NIPBL: variants seen among roughly 807,000 people sequenced by gnomAD.
The protein encoded by NIPBL is nipped-B-like protein.
Under a neutral mutation model 321.8 loss-of-function variants are expected in NIPBL, and 19 were observed. The observed-to-expected ratio is 0.06, with a 90% CI of 0.04 to 0.09. NIPBL has a LOEUF of 0.09. NIPBL is among the 10% of genes least tolerant of loss of function. NIPBL has a pLI of 1.00. For missense variants in NIPBL, 2,210 were observed against 3,327.0 expected (o/e 0.66, Z 8.26); for synonymous variants, 1,106 against 1,114.1 (o/e 0.99, Z 0.14).
intron 3 of NIPBL, among the ~76,000 whole-genome samples, chr5:36,957,295 G>C (rs1259074479): frequency 6.6e-6 from 1 of 152,158 alleles, no homozygotes; most frequent in Non-Finnish European, 1.5e-5. Context: ...GACATTATTT[G>C]AGAAAGCAAT....
chr5:37,048,451 T>C, intron 38 of NIPBL, 51 bp from the exon 39 acceptor site: 1 of 1,114,822 alleles, frequency 9.0e-7, no homozygotes, highest in Non-Finnish European at 1.2e-6. Flanking sequence ...ATTAAATGTT[T>C]TATTTAATTT....
At chr5:36,969,262 A>T (rs1742586937) in intron 6 of NIPBL, among the ~76,000 whole-genome samples, 1 of 152,202 alleles carries the variant, frequency 6.6e-6, no homozygotes, top group South Asian at 2.1e-4. Context: ...CACTGATAAA[A>T]AATCTCAAGG....
intron 20 of NIPBL, 84 bp from the exon 21 acceptor site, chr5:37,010,003 A>G: frequency 9.6e-7 from 1 of 1,036,992 alleles, no homozygotes. Flanking sequence ...TGGCAAACAC[A>G]GTATCGTGAA....
intron 3 of NIPBL, among the ~76,000 whole-genome samples, chr5:36,956,751 A>G (rs1182066832): frequency 6.7e-6 from 1 of 148,404 alleles, no homozygotes; most frequent in Non-Finnish European, 1.5e-5. Context: ...CAACCTCCTG[A>G]GTAGCTGGGA....
At chr5:36,880,590 T>C (rs1745427669) in intron 1 of NIPBL, among the ~76,000 whole-genome samples, 1 of 152,012 alleles carries the variant, frequency 6.6e-6, no homozygotes, top group Admixed American at 6.6e-5. Flanking sequence ...ACTAGGAACC[T>C]TTATAGAAGG....
intron 32 of NIPBL, among the ~76,000 whole-genome samples, chr5:37,035,611 C>G (rs1751604938): frequency 1.3e-5 from 2 of 152,058 alleles, no homozygotes; most frequent in African/African-American, 4.8e-5. Flanking sequence ...ATTGCAAGTG[C>G]TTAATAACTG....
intron 1 of NIPBL, among the ~76,000 whole-genome samples, chr5:36,936,623 A>G (rs1738461122): frequency 6.6e-6 from 1 of 152,050 alleles, no homozygotes; most frequent in South Asian, 2.1e-4. Flanking sequence ...TCAAAGTTAT[A>G]TTAGGAGGAT....
chr5:36,984,503 C>T (rs1032441134), intron 9 of NIPBL, among the ~76,000 whole-genome samples, 173 bp from the exon 10 acceptor site: 1 of 152,030 alleles, frequency 6.6e-6, no homozygotes, highest in African/African-American at 2.4e-5. Flanking sequence ...CAAACCTTAC[C>T]TTTCAAAGTA....
chr5:36,907,031 C>T (rs1170909803), intron 1 of NIPBL, among the ~76,000 whole-genome samples: 2 of 152,192 alleles, frequency 1.3e-5, no homozygotes, highest in Non-Finnish European at 2.9e-5. Flanking sequence ...GATTCCGCTT[C>T]TCATCCCATC....
intron 42 of NIPBL, among the ~76,000 whole-genome samples, chr5:37,054,782 TC>T (rs1321437163): frequency 6.6e-6 from 1 of 152,108 alleles, no homozygotes; most frequent in Non-Finnish European, 1.5e-5. Context: ...AGGAAGATGT[TC>T]CAGTCAGGGC....
In NIPBL at chr5:36,985,828, C is replaced by G; in HGVS notation, c.2648C>G (p.Ser883Cys). 6.2e-7 allele frequency: 1 copy of G among 1,613,840 alleles called. No homozygotes were observed. The highest frequency in any genetic ancestry group is 8.5e-7 in the Non-Finnish European group (1 of 1,179,908). Residue 883 changes from serine (S) to cysteine (C), a missense_variant, in exon 10 of 47, where the codon TCT (serine) becomes TGT (cysteine). Physicochemically the swap from Ser to Cys is moderately radical, Grantham distance 112. Around this residue, in one of 14 missense-constraint regions of NIPBL, gnomAD observed 588 missense variants for 564.1 expected, o/e 1.04. Transcript: ENST00000282516. ...GGGGACTCAAGGGAAAGACCATCTT[C>G]TGGGGAACAAAAATCAAGACCTGAC... ...ESGDSRERPS[S>C]GEQKSRPDSP...
intron 1 of NIPBL, among the ~76,000 whole-genome samples, chr5:36,917,188 G>A (rs761159095): frequency 9.2e-5 from 14 of 151,654 alleles, no homozygotes; most frequent in African/African-American, 1.9e-4. Context: ...TTAGTGGATC[G>A]CCATTCTAAT....
At chr5:36,977,655 G>A (rs759441200) in intron 9 of NIPBL, among the ~76,000 whole-genome samples, 8 of 149,262 alleles carry the variant, frequency 5.4e-5, no homozygotes, top group African/African-American at 7.4e-5. Context: ...GGTTTGTTAC[G>A]TGGGTATATT....
In NIPBL at chr5:37,010,237, AT is replaced by A; in HGVS notation, c.4560+14del. The A allele has an allele frequency of 6.3e-7, 1 of 1,583,752 alleles. No homozygotes were observed. Among genetic ancestry groups the A allele is most frequent in the Non-Finnish European group, 8.7e-7 (1 of 1,152,920 alleles). On this transcript the variant is annotated intron_variant, in intron 21 of 46. Coordinates refer to ENST00000282516, the MANE Select transcript of NIPBL (RefSeq NM_133433.4). ...ATTCAAATAAAAAAGTAAGGAATCT[AT>A]TAAAGGTTTTACAACTGTACTTTTA...
chr5:37,065,190 A>T lies in NIPBL; in HGVS notation c.*298A>T. 1 of 410,846 alleles carries T rather than the reference A, an allele frequency of 2.4e-6. No homozygotes were observed. The highest frequency in any genetic ancestry group is 2.4e-5 in the South Asian group (1 of 41,624). 25.5% of individuals were successfully genotyped at this position (410,846 alleles called of 1,614,324 possible). On this transcript the variant is annotated 3_prime_UTR_variant, in exon 47 of 47. Coordinates refer to ENST00000282516, the MANE Select transcript of NIPBL (RefSeq NM_133433.4). ...AAAAAATAAACAAGTGAATGTTGGA[A>T]ATTAGTCTGTTAATGTTCTTAATAA... is the stretch of plus-strand genomic sequence containing the variant.
At chr5:36,901,511 T>TC (rs1326333467) in intron 1 of NIPBL, among the ~76,000 whole-genome samples, 59 of 139,152 alleles carry the variant, frequency 4.2e-4, no homozygotes, top group Non-Finnish European at 6.2e-4. Flanking sequence ...TTTTTTTTTT[T>TC]TTTTTTTTTT....
intron 1 of NIPBL, among the ~76,000 whole-genome samples, chr5:36,943,499 C>G (rs1304987992): frequency 6.6e-6 from 1 of 151,852 alleles, no homozygotes; most frequent in Non-Finnish European, 1.5e-5. Flanking sequence ...ATATTCCAAG[C>G]AGCTTTGTAG....
chr5:36,929,157 A>G (rs115083646), intron 1 of NIPBL, among the ~76,000 whole-genome samples: 2,787 of 152,250 alleles, frequency 0.018, 71 homozygotes, highest in African/African-American at 0.057. Context: ...ATCTTCACCA[A>G]CAGTTAATAG....
At chr5:36,918,457 A>G (rs1235002562) in intron 1 of NIPBL, among the ~76,000 whole-genome samples, 1 of 152,136 alleles carries the variant, frequency 6.6e-6, no homozygotes, top group East Asian at 1.9e-4. Context: ...ATATACAGTC[A>G]TGTCATCTGC....
Sources: gnomAD v4.1 joint callset for allele counts (sites outside exome capture counted in the v4.1 genomes callset) on GRCh38, gnomAD v4.1.1 for gene constraint, gnomAD v4.1.1 regional missense constraint, MANE v1.5 for transcripts, NCBI Gene and HGNC (gene_info 2026-07-23, HGNC 2026-07-21) for gene names.